The following PLEKHG5 variants were observed in gnomAD, a reference collection of about 807,000 sequenced individuals.
The protein encoded by PLEKHG5 is pleckstrin homology domain-containing family G member 5.
In PLEKHG5, 52 loss-of-function variants were observed where a neutral mutation model predicts 103.8. That is an observed-to-expected ratio of 0.50 (90% confidence interval 0.40 to 0.63). PLEKHG5 has a LOEUF of 0.63. PLEKHG5 is among the 30% of genes least tolerant of loss of function. PLEKHG5 has a pLI of 0.00. For synonymous variants in PLEKHG5, 592 were observed against 575.5 expected (o/e 1.03, Z -0.41); for missense variants, 1,205 against 1,347.6 (o/e 0.89, Z 1.66).
chr1:6,498,920 G>A (rs1274377644), upstream of PLEKHG5, among the ~76,000 whole-genome samples: 1 of 152,228 alleles, frequency 6.6e-6, no homozygotes, highest in Non-Finnish European at 1.5e-5. Flanking sequence ...CTGCCTGCTG[G>A]GAGGAAGCTG....
At chr1:6,506,575 C>G (rs927077448) in intron 1 of PLEKHG5, among the ~76,000 whole-genome samples, 5 of 152,204 alleles carry the variant, frequency 3.3e-5, no homozygotes, top group East Asian at 1.9e-4. Flanking sequence ...CTCCCCACCC[C>G]TGACCTGTGA....
At chr1:6,484,724 G>A (rs1644983741) in intron 1 of PLEKHG5, among the ~76,000 whole-genome samples, 1 of 152,088 alleles carries the variant, frequency 6.6e-6, no homozygotes, top group African/African-American at 2.4e-5. Flanking sequence ...TGCCCACCAT[G>A]TCCTGCCTCT....
chr1:6,493,450 C>G (rs191908591), upstream of PLEKHG5, among the ~76,000 whole-genome samples: 4 of 152,194 alleles, frequency 2.6e-5, no homozygotes, highest in Non-Finnish European at 5.9e-5. Flanking sequence ...ACAAGCCTCA[C>G]GCAGGCCAGG....
chr1:6,488,922 T>G (rs979145753), intron 1 of PLEKHG5, among the ~76,000 whole-genome samples: 1 of 151,832 alleles, frequency 6.6e-6, no homozygotes, highest in Non-Finnish European at 1.5e-5. Flanking sequence ...TCCCTCAGTA[T>G]CACCTCCCCC....
upstream of PLEKHG5, chr1:6,497,276 C>G (rs750762292): frequency 1.1e-5 from 10 of 928,112 alleles, no homozygotes; most frequent in South Asian, 4.3e-5. The surrounding 1 kb of genome is among the most constrained non-coding windows in gnomAD (Gnocchi z 6.1). Context: ...GCCCGGCCCC[C>G]CAGGACCCCG....
rs1357497658 is a variant in PLEKHG5, at chr1:6,471,645, C to A, written c.1132-8G>T. ...CAGGCGCTCCGCCTCCACCTGGGCG[C>A]GGCGGGAGGTGCGGTTGGCCACGCC... On this transcript the variant is annotated splice_region_variant and splice_polypyrimidine_tract_variant and intron_variant, in intron 11 of 20. Coordinates refer to ENST00000377728, the MANE Select transcript of PLEKHG5 (RefSeq NM_020631.6). 2.5e-6 allele frequency: 4 copies of A among 1,573,960 alleles called. No individual in the cohort carries two copies. The highest frequency in any genetic ancestry group is 3.7e-5 in the Admixed American group (2 of 53,558).
At chr1:6,502,926 G>A (rs529690282) in intron 1 of PLEKHG5, among the ~76,000 whole-genome samples, 45 of 152,330 alleles carry the variant, frequency 3.0e-4, no homozygotes, top group African/African-American at 9.9e-4. Context: ...TGCCGGCCCC[G>A]GGGAGAGCTG....
At chr1:6,470,928 C>A (rs1198540615) in intron 13 of PLEKHG5, 44 bp from the exon 14 acceptor site, 2 of 1,549,692 alleles carry the variant, frequency 1.3e-6, no homozygotes, top group Admixed American at 1.9e-5. Flanking sequence ...GGCCCCGCCC[C>A]ACCCGGCCCC....
At chr1:6,469,502 A>G (rs375233060) in intron 17 of PLEKHG5, 42 bp downstream of exon 17, 11 of 1,613,714 alleles carry the variant, frequency 6.8e-6, no homozygotes, top group Non-Finnish European at 9.3e-6. Context: ...GCCCCCACCC[A>G]TCACAGCCCC....
upstream of PLEKHG5, chr1:6,496,909 G>T: frequency 6.9e-7 from 1 of 1,443,768 alleles, no homozygotes; most frequent in Non-Finnish European, 9.1e-7. Flanking sequence ...GTCCCGGCAG[G>T]GCTGCTGGGG....
At chr1:6,504,036 G>A (rs114077454) in intron 1 of PLEKHG5, among the ~76,000 whole-genome samples, 1,544 of 152,358 alleles carry the variant, frequency 0.01, 25 homozygotes, top group African/African-American at 0.035. Context: ...GAGTGGGGGC[G>A]AGAGGTGGGA....
Position 6,473,999 on chromosome 1 carries a change from C to A in PLEKHG5, c.591+14G>T, listed in dbSNP as rs753785032. ...CTTCCCACCCCCTCCCCTGACACACCCCCTCCTCCTCACCAAGATGTCCAG... is the reference window on the plus strand; with the variant it reads ...CTTCCCACCCCCTCCCCTGACACACACCCTCCTCCTCACCAAGATGTCCAG... On this transcript the variant is annotated intron_variant, in intron 7 of 20. Transcript: ENST00000377728. 3 of 1,583,046 alleles carry A rather than the reference C, an allele frequency of 1.9e-6. No homozygotes were observed. Among genetic ancestry groups the A allele is most frequent in the East Asian group, 2.3e-5 (1 of 43,094 alleles).
intron 1 of PLEKHG5, chr1:6,519,407 C>A: frequency 1.3e-6 from 2 of 1,538,744 alleles, no homozygotes; most frequent in Non-Finnish European, 1.8e-6. Context: ...TGTCCTCAAA[C>A]CTCCTTTCTA....
At chr1:6,515,676 A>T (rs866134600) in intron 1 of PLEKHG5, among the ~76,000 whole-genome samples, 5 of 137,500 alleles carry the variant, frequency 3.6e-5, no homozygotes, top group Non-Finnish European at 7.6e-5. Flanking sequence ...AAATTAAATT[A>T]AAAAAAAAAA....
rs935859235 is a variant in PLEKHG5 at position 6,468,604 on chromosome 1, G to C, written c.2250-18C>G. ...CTGAGGCACTGTGGGGCCAGGAGCAGAGTCAGCCCAGGCCATGAAACCTAG... is the reference window on the plus strand; with the variant it reads ...CTGAGGCACTGTGGGGCCAGGAGCACAGTCAGCCCAGGCCATGAAACCTAG... On this transcript the variant is annotated intron_variant, in intron 19 of 20. Transcript: ENST00000377728. The C allele has an allele frequency of 1.2e-6, 2 of 1,612,806 alleles. No individual in the cohort carries two copies. The highest frequency in any genetic ancestry group is 2.2e-5 in the South Asian group (2 of 91,064).
At chr1:6,484,911 C>T (rs1644989539) in intron 1 of PLEKHG5, among the ~76,000 whole-genome samples, 1 of 152,190 alleles carries the variant, frequency 6.6e-6, no homozygotes, top group Non-Finnish European at 1.5e-5. Flanking sequence ...GACAGAGAAC[C>T]AGGCGTCCAC....
Position 6,473,997 on chromosome 1 carries a change from A to T in PLEKHG5, c.591+16T>A. 1 of 994,506 alleles carries T rather than the reference A, an allele frequency of 1.0e-6. No homozygotes were observed. Among genetic ancestry groups the T allele is most frequent in the Non-Finnish European group, 1.4e-6 (1 of 693,734 alleles). 61.6% of individuals were successfully genotyped at this position (994,506 alleles called of 1,614,324 possible). A position where few individuals can be genotyped will look rare whatever the true frequency, so the allele number is the denominator to read the frequency against. ...CCCTTCCCACCCCCTCCCCTGACACACCCCCTCCTCCTCACCAAGATGTCC... is the reference window on the plus strand; with the variant it reads ...CCCTTCCCACCCCCTCCCCTGACACTCCCCCTCCTCCTCACCAAGATGTCC... On this transcript the variant is annotated intron_variant, in intron 7 of 20. Transcript: ENST00000377728.
At chr1:6,485,113 G>T (rs958423182) in intron 1 of PLEKHG5, among the ~76,000 whole-genome samples, 7 of 152,156 alleles carry the variant, frequency 4.6e-5, no homozygotes, top group Admixed American at 3.9e-4. Context: ...CATCTCAGCC[G>T]GCGGGGACAC....
intron 1 of PLEKHG5, among the ~76,000 whole-genome samples, chr1:6,516,462 G>A (rs933067306): frequency 5.3e-5 from 8 of 152,050 alleles, no homozygotes; most frequent in African/African-American, 1.7e-4. Context: ...TTCCAGACTA[G>A]CCTGGCCAAC....
Sources: allele counts gnomAD v4.1 joint callset (sites outside exome capture counted in the v4.1 genomes callset), GRCh38; gene constraint gnomAD v4.1.1; non-coding constraint Gnocchi (gnomAD v3.1); transcripts MANE v1.5; gene names NCBI Gene and HGNC (gene_info 2026-07-23, HGNC 2026-07-21).